Variants in NOX3 observed in about 807,000 individuals in gnomAD.
NOX3 encodes NADPH oxidase 3, also known as NADPH oxidase catalytic subunit-like 3.
NOX3 carries 74 observed loss-of-function variants against 76.7 expected under a neutral mutation model. The observed-to-expected ratio is 0.96, with a 90% CI of 0.80 to 1.17. The LOEUF (loss-of-function observed/expected upper bound fraction) is 1.17, where lower values mean the gene tolerates loss of function less well. Among genes scored for constraint, NOX3 ranks in the 50% most tolerant of loss-of-function variants. The pLI is 0.00. For synonymous variants in NOX3, 263 were observed against 261.1 expected (o/e 1.01, Z -0.07); for missense variants, 695 against 703.3 (o/e 0.99, Z 0.13).
intron 10 of NOX3, among the ~76,000 whole-genome samples, chr6:155,413,517 G>A (rs1402271211): frequency 1.3e-5 from 2 of 152,096 alleles, no homozygotes; most frequent in East Asian, 3.9e-4. Context: ...GGTATGGAGG[G>A]TGGGGGAGGA....
At chr6:155,430,996 A>G in intron 7 of NOX3, 61 bp from the exon 8 acceptor site, 1 of 1,084,320 alleles carries the variant, frequency 9.2e-7, no homozygotes, top group Non-Finnish European at 1.4e-6. Context: ...AAATATTTTC[A>G]ATTTGAACCA....
At chr6:155,442,009 A>G (rs754720761) in intron 5 of NOX3, among the ~76,000 whole-genome samples, 2 of 152,198 alleles carry the variant, frequency 1.3e-5, no homozygotes, top group Non-Finnish European at 2.9e-5. Flanking sequence ...TCACGCCTGT[A>G]ATCCCAGCAC....
rs147365661 is a variant in NOX3 at position 155,418,959 on chromosome 6, C to G, written c.1308+3735G>C. Among the ~76,000 whole-genome samples, 20 of 152,342 alleles carry G rather than the reference C, an allele frequency of 1.3e-4. No homozygotes were observed. The East Asian group carries it at 3.3e-3, about 25-fold the overall frequency. On this transcript the variant is annotated intron_variant, in intron 10 of 13. Transcript: ENST00000159060. ...TTAAGCTTAAAATTCTGGCTCTCAACGCCTATGCGAGTTGTCCTTTCCTTC... is the reference window on the plus strand; with the variant it reads ...TTAAGCTTAAAATTCTGGCTCTCAAGGCCTATGCGAGTTGTCCTTTCCTTC...
chr6:155,448,745 G>A (rs1777096705), intron 4 of NOX3, among the ~76,000 whole-genome samples: 1 of 151,636 alleles, frequency 6.6e-6, no homozygotes, highest in Non-Finnish European at 1.5e-5. Context: ...GGAGATCAAA[G>A]TGAGCATAAT....
Position 155,454,864 on chromosome 6 carries a change from T to A in NOX3, c.202A>T (p.Ile68Phe), listed in dbSNP as rs755319756. The change falls in exon 3 of 14, where the codon ATT becomes TTT. Residue 68 changes from isoleucine (I) to phenylalanine (F), a missense_variant. Ile to Phe is a conservative substitution (Grantham distance 21). Transcript: ENST00000159060. The stretch of plus-strand genomic sequence containing the variant: ...AGGTTTCGACTGACAGGTATTAGAA[T>A]TAGCATGCAGTTAAAATTCAGGCAC... Reference protein sequence around the residue: ...ALCLNFNCMLILIPVSRNLIS... With the variant: ...ALCLNFNCMLFLIPVSRNLIS... 1.9e-6 allele frequency: 3 copies of A among 1,610,236 alleles called. No individual in the cohort carries two copies. The highest frequency in any genetic ancestry group is 2.2e-5 in the South Asian group (2 of 90,160).
At chr6:155,449,246 T>C (rs1320443468) in intron 4 of NOX3, among the ~76,000 whole-genome samples, 1 of 152,192 alleles carries the variant, frequency 6.6e-6, no homozygotes, top group Non-Finnish European at 1.5e-5. Flanking sequence ...CATCAGGAGC[T>C]GCACTCGGCT....
intron 11 of NOX3, 77 bp downstream of exon 11, chr6:155,411,137 G>T (rs1776543974): frequency 8.7e-6 from 11 of 1,258,200 alleles, no homozygotes; most frequent in South Asian, 1.4e-5. Flanking sequence ...GTGCTACATA[G>T]CTCATTATTG....
At position 155,419,423 on chromosome 6, in the gene NOX3, C is replaced by T. The variant is rs576181674; in HGVS notation, c.1308+3271G>A. 3.3e-5 allele frequency among the ~76,000 whole-genome samples: 5 copies of T among 152,220 alleles called. No individual in the cohort carries two copies. The South Asian group carries it at 6.2e-4, about 19-fold the overall frequency. ...TGACTTTGGACAAATCATCTCCGCT[C>T]GAGGTGCAGATACTGACTTTCATGG... On this transcript the variant is annotated intron_variant, in intron 10 of 13. Coordinates refer to ENST00000159060, the MANE Select transcript of NOX3 (RefSeq NM_015718.3).
intron 7 of NOX3, 130 bp from the exon 8 acceptor site, chr6:155,431,065 C>G (rs2114695972): frequency 1.6e-6 from 1 of 606,406 alleles, no homozygotes; most frequent in East Asian, 2.8e-5. Context: ...GGCCAGTTAT[C>G]AGCAACAAAG....
rs78766689 is a variant in NOX3, at chr6:155,429,124, T to C, written c.892-77A>G. On this transcript the variant is annotated intron_variant, in intron 8 of 13. Coordinates refer to ENST00000159060, the MANE Select transcript of NOX3 (RefSeq NM_015718.3). ...ACACCTTTCATTCCATCAAAGGTGT[T>C]GAAAATTTTAGATCAGCTTGTTTCA... The C allele has an allele frequency of 3.2e-3, 4,433 of 1,383,962 alleles. 104 individuals carry two copies. The African/African-American group carries it at 0.055, about 17-fold the overall frequency. 85.7% of individuals were successfully genotyped at this position (1,383,962 alleles called of 1,614,324 possible). A position where few individuals can be genotyped will look rare whatever the true frequency, so the allele number is the denominator to read the frequency against.
intron 5 of NOX3, among the ~76,000 whole-genome samples, chr6:155,441,181 T>C (rs1446176588): frequency 6.6e-6 from 1 of 152,240 alleles, no homozygotes; most frequent in Non-Finnish European, 1.5e-5. Context: ...TATTCATACA[T>C]TGTGTTACTA....
chr6:155,441,893 G>T (rs1046676155), intron 5 of NOX3, among the ~76,000 whole-genome samples: 2 of 152,152 alleles, frequency 1.3e-5, no homozygotes, highest in South Asian at 4.1e-4. Flanking sequence ...GGACACAAAG[G>T]CATCCCCACT....
At chr6:155,427,969 C>T (rs528246045) in intron 9 of NOX3, among the ~76,000 whole-genome samples, 1 of 152,256 alleles carries the variant, frequency 6.6e-6, no homozygotes, top group South Asian at 2.1e-4. Context: ...GGCGCGATCT[C>T]GGCTCACTGC....
intron 4 of NOX3, among the ~76,000 whole-genome samples, chr6:155,447,173 T>C (rs922649610): frequency 1.8e-4 from 28 of 152,088 alleles, no homozygotes; most frequent in African/African-American, 6.0e-4. Flanking sequence ...AGCCTCTAAG[T>C]AGCTGGGATT....
chr6:155,421,149 G>C (rs1047206364), intron 10 of NOX3, among the ~76,000 whole-genome samples: 3 of 152,044 alleles, frequency 2.0e-5, no homozygotes, highest in Admixed American at 6.6e-5. Context: ...AGGAGCTGGG[G>C]GTCACGTCTA....
chr6:155,403,889 G>A (rs981919238), intron 12 of NOX3, among the ~76,000 whole-genome samples: 5 of 151,994 alleles, frequency 3.3e-5, no homozygotes, highest in Non-Finnish European at 5.9e-5. Flanking sequence ...AAGGCCTTCC[G>A]CACTGGGCTG....
intron 10 of NOX3, among the ~76,000 whole-genome samples, chr6:155,418,949 T>G (rs75282708): frequency 6.6e-6 from 1 of 152,282 alleles, no homozygotes. Flanking sequence ...CTTAAAATTC[T>G]GGCTCTCAAC....
At chr6:155,448,119 C>T (rs1432867675) in intron 4 of NOX3, among the ~76,000 whole-genome samples, 7 of 152,132 alleles carry the variant, frequency 4.6e-5, no homozygotes, top group Non-Finnish European at 8.8e-5. Context: ...TTCTCAGTCA[C>T]CTAACTTCTT....
intron 10 of NOX3, among the ~76,000 whole-genome samples, chr6:155,416,969 T>G (rs1776629912): frequency 6.6e-6 from 1 of 152,034 alleles, no homozygotes; most frequent in Admixed American, 6.5e-5. Flanking sequence ...CAGGCTGGTC[T>G]CCAACTCCTG....
Sources: gnomAD v4.1 joint callset for allele counts (sites outside exome capture counted in the v4.1 genomes callset) on GRCh38, gnomAD v4.1.1 for gene constraint, MANE v1.5 for transcripts, NCBI Gene and HGNC (gene_info 2026-07-23, HGNC 2026-07-21) for gene names.